The following MPZL1 variants were observed in gnomAD, a reference collection of about 807,000 sequenced individuals.
MPZL1 encodes the protein myelin protein zero like 1, also known as myelin protein zero-like protein 1.
In MPZL1, 16 loss-of-function variants were observed where a neutral mutation model predicts 29.3. The ratio of observed to expected loss-of-function variants is 0.55; its 90% CI spans 0.37 to 0.83. The LOEUF is 0.83. MPZL1 is among the 40% of genes least tolerant of loss of function. The pLI is 0.00. For synonymous variants in MPZL1, 143 were observed against 132.0 expected (o/e 1.08, Z -0.57); for missense variants, 279 against 332.9 (o/e 0.84, Z 1.26).
Position 167,772,495 on chromosome 1 carries a change from C to T in MPZL1, c.472+7C>T. 2 of 1,606,922 alleles carry T rather than the reference C, an allele frequency of 1.2e-6. No homozygotes were observed. Among genetic ancestry groups the T allele is most frequent in the Non-Finnish European group, 1.7e-6 (2 of 1,174,954 alleles). ...CTCTATGTCGTAGAAAAAGGTACTT[C>T]CTTGAGTATTTTGGCAGTAATAATG... is the stretch of plus-strand genomic sequence containing the variant. On this transcript the variant is annotated splice_region_variant and intron_variant, in intron 3 of 5. Coordinates refer to ENST00000359523, the MANE Select transcript of MPZL1 (RefSeq NM_003953.6).
At chr1:167,743,451 C>A (rs1259380194) in intron 1 of MPZL1, among the ~76,000 whole-genome samples, 1 of 151,966 alleles carries the variant, frequency 6.6e-6, no homozygotes, top group Non-Finnish European at 1.5e-5. Flanking sequence ...CGTGACCCTC[C>A]CGCCTCGGCC....
At chr1:167,757,527 T>C (rs1660892372) in intron 1 of MPZL1, among the ~76,000 whole-genome samples, 1 of 152,184 alleles carries the variant, frequency 6.6e-6, no homozygotes, top group South Asian at 2.1e-4. Flanking sequence ...ACATTACCAA[T>C]AGTGTGTACC....
intron 1 of MPZL1, among the ~76,000 whole-genome samples, chr1:167,737,765 A>G (rs1660405207): frequency 6.6e-6 from 1 of 152,114 alleles, no homozygotes; most frequent in Non-Finnish European, 1.5e-5. Flanking sequence ...GCTGACAATG[A>G]CACTTTAGAT....
In MPZL1 at chr1:167,756,794, A is replaced by G. The variant is rs2101773168; in HGVS notation, c.92-8789A>G. 1.3e-5 allele frequency among the ~76,000 whole-genome samples: 2 copies of G among 152,248 alleles called. 1 individual carries two copies. The highest frequency in any genetic ancestry group is 4.2e-4 in the South Asian group (2 of 4,814). ...GAAAGGGCCAGGCATTTGTCAGGTA[A>G]TGAGGGTATAATGGTAAACAAGGTA... On this transcript the variant is annotated intron_variant, in intron 1 of 5. Coordinates refer to ENST00000359523, the MANE Select transcript of MPZL1 (RefSeq NM_003953.6).
chr1:167,779,121 CAAAAAAGA>C lies in MPZL1; in HGVS notation c.708+2970_708+2977del, dbSNP rs371989724. Among the ~76,000 whole-genome samples the C allele has an allele frequency of 4.6e-3, 662 of 144,602 alleles. 3 individuals are homozygous for C. In the Middle Eastern group the frequency reaches 0.06, roughly 13 times the overall value. The allele number at this position is 144,602 out of a possible 152,430, so 94.9% of individuals were successfully genotyped here. A position where few individuals can be genotyped will look rare whatever the true frequency, so the allele number is the denominator to read the frequency against. Reference sequence around the variant, plus strand: ...TGGGCAACAGAGCGAGACTCTGTCTCAAAAAAGAAAAAAAGAAAAAAAAGAAAGTGAAC... The same window carrying C: ...TGGGCAACAGAGCGAGACTCTGTCTCAAAAAAGAAAAAAAAGAAAGTGAAC... On this transcript the variant is annotated intron_variant, in intron 5 of 5. Transcript: ENST00000359523.
chr1:167,743,841 A>G (rs7537128), intron 1 of MPZL1, among the ~76,000 whole-genome samples: 66,982 of 151,766 alleles, frequency 0.44, 15,170 homozygotes, highest in Non-Finnish European at 0.48. Flanking sequence ...AAACAGTCTT[A>G]TCATCAGCAA....
In MPZL1 at chr1:167,778,740, A is replaced by G. The variant is rs559252548; in HGVS notation, c.708+2574A>G. 1.5e-3 allele frequency among the ~76,000 whole-genome samples: 222 copies of G among 152,198 alleles called. 1 individual carries two copies. Among genetic ancestry groups the G allele is most frequent in the African/African-American group, 5.2e-3 (214 of 41,528 alleles). On this transcript the variant is annotated intron_variant, in intron 5 of 5. Coordinates refer to ENST00000359523, the MANE Select transcript of MPZL1 (RefSeq NM_003953.6). ...AGATGTAAAGGAAAGCTTGAACCCA[A>G]TGAGGAAAGAAATAGATATCTAAAA...
chr1:167,782,382 C>T (rs760310430), intron 5 of MPZL1, among the ~76,000 whole-genome samples: 1 of 152,046 alleles, frequency 6.6e-6, no homozygotes, highest in Non-Finnish European at 1.5e-5. Context: ...ATATTTCTTG[C>T]TAATGGTGGC....
At position 167,772,417 on chromosome 1, in the gene MPZL1, T is replaced by C; in HGVS notation, c.401T>C (p.Ile134Thr). Residue 134 changes from isoleucine (I) to threonine (T), a missense_variant, in exon 3 of 6, where the codon ATC becomes ACC. By Grantham distance (89) the Ile-to-Thr change is moderately conservative (BLOSUM62 -1). Transcript: ENST00000359523. ...CAGTTTATACACAATGGCACCTATATCTGTGATGTCAAAAACCCTCCTGAC... is the reference window on the plus strand; with the variant it reads ...CAGTTTATACACAATGGCACCTATACCTGTGATGTCAAAAACCCTCCTGAC... ...NMQFIHNGTYICDVKNPPDIV... is the reference protein window; with the variant it reads ...NMQFIHNGTYTCDVKNPPDIV... 1 of 1,614,164 alleles carries C rather than the reference T, an allele frequency of 6.2e-7. No individual in the cohort carries two copies.
chr1:167,763,409 G>A (rs181344470), intron 1 of MPZL1, among the ~76,000 whole-genome samples: 6 of 151,658 alleles, frequency 4.0e-5, no homozygotes, highest in Non-Finnish European at 5.9e-5. Context: ...CCAGCTACTC[G>A]GGAGGCTGAG....
chr1:167,779,516 C>T (rs1308183952), intron 5 of MPZL1, among the ~76,000 whole-genome samples: 3 of 151,786 alleles, frequency 2.0e-5, no homozygotes, highest in African/African-American at 4.8e-5. Flanking sequence ...ACCACAGAAG[C>T]GGACATTGCA....
At chr1:167,730,538 C>T (rs1246569663) in intron 1 of MPZL1, among the ~76,000 whole-genome samples, 2 of 152,140 alleles carry the variant, frequency 1.3e-5, no homozygotes, top group African/African-American at 2.4e-5. Context: ...CACAGCCTCC[C>T]AAAGAGTTGG....
chr1:167,760,698 A>G (rs1439262011), intron 1 of MPZL1, among the ~76,000 whole-genome samples: 1 of 151,866 alleles, frequency 6.6e-6, no homozygotes, highest in Admixed American at 6.6e-5. Flanking sequence ...TAATTTGGAC[A>G]TATTAAATTT....
intron 1 of MPZL1, among the ~76,000 whole-genome samples, chr1:167,755,767 C>G (rs3753932): frequency 0.79 from 120,595 of 152,160 alleles, 48,461 homozygotes; most frequent in African/African-American, 0.92. Context: ...CAGGGGCCAG[C>G]CACGGTGCTT....
intron 5 of MPZL1, among the ~76,000 whole-genome samples, chr1:167,779,446 A>G (rs1353388804): frequency 6.6e-6 from 1 of 152,086 alleles, no homozygotes; most frequent in Non-Finnish European, 1.5e-5. Flanking sequence ...TTAGTTGGGC[A>G]TGGTGGCAGG....
intron 1 of MPZL1, among the ~76,000 whole-genome samples, chr1:167,723,511 G>C (rs1050899543): frequency 6.6e-6 from 1 of 152,256 alleles, no homozygotes; most frequent in Non-Finnish European, 1.5e-5. Flanking sequence ...GTGTTTGTTG[G>C]TGGTGGTATT....
At chr1:167,773,489 A>T in intron 4 of MPZL1, 121 bp downstream of exon 4, 2 of 1,227,110 alleles carry the variant, frequency 1.6e-6, no homozygotes, top group Non-Finnish European at 2.2e-6. Flanking sequence ...TCATGTCAGA[A>T]TCAGGCAGTC....
rs528033639 is a variant in MPZL1 at position 167,778,791 on chromosome 1, TA to T, written c.708+2634del. ...CAGACCAAAATGGAACTTCTGGAAA[TA>T]AAAAAAAATTGGATGGTGTTAACAA... On this transcript the variant is annotated intron_variant, in intron 5 of 5. Transcript: ENST00000359523. Among the ~76,000 whole-genome samples, 225 of 143,762 alleles carry T rather than the reference TA, an allele frequency of 1.6e-3. 3 individuals are homozygous for T. The highest frequency in any genetic ancestry group is 5.7e-3 in the African/African-American group (222 of 38,798). The allele number at this position is 143,762 out of a possible 152,430, so 94.3% of individuals were successfully genotyped here. A position where few individuals can be genotyped will look rare whatever the true frequency, so the allele number is the denominator to read the frequency against.
chr1:167,753,550 C>G (rs996596013), intron 1 of MPZL1, among the ~76,000 whole-genome samples: 1 of 152,120 alleles, frequency 6.6e-6, no homozygotes, highest in African/African-American at 2.4e-5. Context: ...ATTTACCCTC[C>G]CCTGGGTGAT....
Sources: gnomAD v4.1 joint callset for allele counts (sites outside exome capture counted in the v4.1 genomes callset) on GRCh38, gnomAD v4.1.1 for gene constraint, MANE v1.5 for transcripts, NCBI Gene and HGNC (gene_info 2026-07-23, HGNC 2026-07-21) for gene names.